The following TMEM132B variants were observed in gnomAD, a reference collection of about 807,000 sequenced individuals.
The protein encoded by TMEM132B is transmembrane protein 132B.
In TMEM132B, 18 loss-of-function variants were observed where a neutral mutation model predicts 90.8. That is an observed-to-expected ratio of 0.20 (90% CI 0.14 to 0.29). TMEM132B has a LOEUF of 0.29. Among genes scored for constraint, TMEM132B ranks in the 10% least tolerant of loss-of-function variants. The pLI is 1.00. For synonymous variants in TMEM132B, 504 were observed against 523.3 expected, an observed-to-expected ratio of 0.96 and a Z score of 0.50; for missense variants, 1,096 against 1,326.8, an observed-to-expected ratio of 0.83 and a Z score of 2.70.
chr12:125,347,893 TTATG>T (rs909859663), intron 1 of TMEM132B, among the ~76,000 whole-genome samples: 5 of 152,356 alleles, frequency 3.3e-5, no homozygotes, highest in African/African-American at 7.2e-5. Context: ...GTGTACATGT[TTATG>T]TATATGTGCT....
At chr12:125,268,107 A>C (rs1406931191) in intron 1 of TMEM132B, among the ~76,000 whole-genome samples, 1 of 152,220 alleles carries the variant, frequency 6.6e-6, no homozygotes, top group East Asian at 1.9e-4. Context: ...ACAACAACGA[A>C]AAATAAAGGC....
In TMEM132B at chr12:125,468,518, G is replaced by T. The variant is rs182763557; in HGVS notation, c.1107-50921G>T. Among the ~76,000 whole-genome samples, 34 of 152,350 alleles carry T rather than the reference G, an allele frequency of 2.2e-4. No homozygotes were observed. The East Asian group carries it at 4.4e-3, about 20-fold the overall frequency. The stretch of plus-strand genomic sequence containing the variant: ...TTCCAGGAATTTCACCTTTGGTGAA[G>T]AGACTCTTCTTTCCCCATAGTGTAT... On this transcript the variant is annotated intron_variant, in intron 3 of 8. Coordinates refer to ENST00000682704, the MANE Select transcript of TMEM132B (RefSeq NM_001366854.1).
chr12:125,216,585 C>T (rs955214343), intron 1 of TMEM132B, among the ~76,000 whole-genome samples: 1 of 152,216 alleles, frequency 6.6e-6, no homozygotes, highest in Non-Finnish European at 1.5e-5. Flanking sequence ...TTCAGCCTGG[C>T]ATTGCCCTTG....
chr12:125,649,360 G>A (rs763913492), intron 6 of TMEM132B, among the ~76,000 whole-genome samples: 2 of 152,194 alleles, frequency 1.3e-5, no homozygotes, highest in Non-Finnish European at 2.9e-5. Flanking sequence ...TAGCTGTTGT[G>A]AAGATGAATG....
intron 8 of TMEM132B, among the ~76,000 whole-genome samples, chr12:125,653,193 A>G (rs1886971545): frequency 6.6e-6 from 1 of 152,206 alleles, no homozygotes; most frequent in Admixed American, 6.5e-5. Context: ...CTTAATGAAG[A>G]GTGTTCAAAG....
intron 1 of TMEM132B, among the ~76,000 whole-genome samples, chr12:125,191,390 C>T (rs975413273): frequency 6.6e-6 from 1 of 152,120 alleles, no homozygotes. Context: ...AAGGGAGGAT[C>T]TGGAGGTCCA....
chr12:125,567,562 A>G (rs938747411), intron 4 of TMEM132B, among the ~76,000 whole-genome samples: 3 of 152,198 alleles, frequency 2.0e-5, no homozygotes, highest in African/African-American at 4.8e-5. Flanking sequence ...CCAAGGCACC[A>G]GTCAGCTCAC....
At chr12:125,221,415 C>A (rs1324395476) in intron 1 of TMEM132B, among the ~76,000 whole-genome samples, 13 of 152,214 alleles carry the variant, frequency 8.5e-5, no homozygotes, top group Admixed American at 8.5e-4. Flanking sequence ...ATTTTCTCCA[C>A]TGGGTTCTGT....
At chr12:125,587,232 T>TGTGTGC (rs1555260914) in intron 5 of TMEM132B, 25 of 133,476 alleles carry the variant, frequency 1.9e-4, no homozygotes, top group African/African-American at 6.5e-4. Flanking sequence ...TGTGTGTGTG[T>TGTGTGC]GCGCACACAC....
chr12:125,494,831 TCCTCCCCC>T (rs1882497455), intron 3 of TMEM132B, among the ~76,000 whole-genome samples: 1 of 19,878 alleles, frequency 5.0e-5, no homozygotes, highest in African/African-American at 2.2e-4. Context: ...CTCCTCCCCC[TCCTCCCCC>T]TCCTCCCTGG....
rs1406947998 is a variant in TMEM132B at position 125,652,562 on chromosome 12, C to T, written c.2036C>T (p.Pro679Leu). The stretch of plus-strand genomic sequence containing the variant: ...GCTGGCATGTCTCTCTCCCTGCAGC[C>T]ACACCGAGCAGACAAAAGGGCCATC... ...LVAGMSLSLQPHRADKRAIVS... is the reference protein window; with the variant it reads ...LVAGMSLSLQLHRADKRAIVS... The change falls in exon 8 of 9, where the codon CCA becomes CTA. Residue 679 changes from proline (P) to leucine (L), a missense_variant. Pro to Leu is a moderately conservative substitution (Grantham distance 98). Coordinates refer to ENST00000682704, the MANE Select transcript of TMEM132B (RefSeq NM_001366854.1). 5.6e-6 allele frequency: 9 copies of T among 1,613,678 alleles called. No individual in the cohort carries two copies. Among genetic ancestry groups the T allele is most frequent in the Admixed American group, 5.0e-5 (3 of 59,986 alleles).
At chr12:125,262,248 A>C (rs1362735938) in intron 1 of TMEM132B, among the ~76,000 whole-genome samples, 1 of 147,508 alleles carries the variant, frequency 6.8e-6, no homozygotes, top group African/African-American at 2.5e-5. Context: ...GTTTCTACAA[A>C]AAAAAAAAAA....
chr12:125,223,302 G>T (rs996666960), intron 1 of TMEM132B, among the ~76,000 whole-genome samples: 1 of 152,214 alleles, frequency 6.6e-6, no homozygotes, highest in Non-Finnish European at 1.5e-5. Context: ...AAGGAAAGGA[G>T]ATTGCATCCT....
At chr12:125,640,443 G>A (rs1212497178) in intron 5 of TMEM132B, among the ~76,000 whole-genome samples, 1 of 152,192 alleles carries the variant, frequency 6.6e-6, no homozygotes, top group Non-Finnish European at 1.5e-5. Flanking sequence ...CCTTGGGATG[G>A]GGCTAAGCCT....
At chr12:125,521,414 C>T (rs557584247) in intron 4 of TMEM132B, among the ~76,000 whole-genome samples, 3 of 152,282 alleles carry the variant, frequency 2.0e-5, no homozygotes, top group African/African-American at 4.8e-5. Context: ...CACTAGGGTA[C>T]ATAGCTACAT....
chr12:125,294,728 C>A (rs10846864), intron 1 of TMEM132B, among the ~76,000 whole-genome samples: 46,186 of 152,146 alleles, frequency 0.3, 7,350 homozygotes, highest in East Asian at 0.54. Context: ...TCTGCTGACT[C>A]CGAAGTCCTG....
At chr12:125,258,418 C>T (rs1221320869) in intron 1 of TMEM132B, among the ~76,000 whole-genome samples, 1 of 152,180 alleles carries the variant, frequency 6.6e-6, no homozygotes, top group African/African-American at 2.4e-5. Flanking sequence ...GCACCAATGA[C>T]TTCCTCATTC....
chr12:125,510,990 A>G (rs1297678716), intron 3 of TMEM132B, among the ~76,000 whole-genome samples: 2 of 152,220 alleles, frequency 1.3e-5, no homozygotes, highest in Non-Finnish European at 2.9e-5. Flanking sequence ...TCATGGAATC[A>G]TTGCATTATG....
rs79475488 is a variant in TMEM132B, at chr12:125,308,637, A to T, written c.68-40815A>T. Among the ~76,000 whole-genome samples the T allele has an allele frequency of 1.4e-3, 211 of 152,192 alleles. 3 individuals are homozygous for T. In the East Asian group the frequency reaches 0.038, roughly 27 times the overall value. ...AAACCTTTCTTTTTTTTTAATTGTAATTTTTATTTTGAGGAATAAAAAAAG... is the reference window on the plus strand; with the variant it reads ...AAACCTTTCTTTTTTTTTAATTGTATTTTTTATTTTGAGGAATAAAAAAAG... On this transcript the variant is annotated intron_variant, in intron 1 of 8. Transcript: ENST00000682704.
Sources: gnomAD v4.1 joint callset for allele counts (sites outside exome capture counted in the v4.1 genomes callset) on GRCh38, gnomAD v4.1.1 for gene constraint, MANE v1.5 for transcripts, NCBI Gene and HGNC (gene_info 2026-07-23, HGNC 2026-07-21) for gene names.